Variants in CACNA1S observed in about 807,000 individuals in gnomAD.
CACNA1S encodes voltage-dependent L-type calcium channel subunit alpha-1S.
In CACNA1S, 126 loss-of-function variants were observed where a neutral mutation model predicts 207.4. The ratio of observed to expected loss-of-function variants is 0.61; its 90% CI spans 0.53 to 0.70. CACNA1S has a LOEUF of 0.70. Among genes scored for constraint, CACNA1S ranks in the 30% least tolerant of loss-of-function variants. The probability of loss-of-function intolerance (pLI) is 0.00; values close to 1 mark genes in which losing one functional copy is unlikely to be tolerated. For synonymous variants in CACNA1S, 960 were observed against 932.7 expected (o/e 1.03, Z -0.53); for missense variants, 2,349 against 2,422.8 (o/e 0.97, Z 0.64).
intron 34 of CACNA1S, 112 bp downstream of exon 34, chr1:201,050,276 AG>A: frequency 2.7e-6 from 3 of 1,126,714 alleles, no homozygotes. Flanking sequence ...AGATAAATGA[AG>A]GGGGAAGGAG....
chr1:201,062,427 C>G, intron 23 of CACNA1S, 35 bp downstream of exon 23: 2 of 1,606,098 alleles, frequency 1.2e-6, no homozygotes, highest in Non-Finnish European at 1.7e-6. Flanking sequence ...CTCCCTGCCC[C>G]GTGACCGTCC....
intron 43 of CACNA1S, 55 bp downstream of exon 43, chr1:201,040,176 C>T (rs769060241): frequency 3.3e-5 from 53 of 1,612,046 alleles, no homozygotes; most frequent in Non-Finnish European, 2.5e-5. Context: ...CACGCCAGGC[C>T]ATCACAGGGC....
intron 7 of CACNA1S, among the ~76,000 whole-genome samples, chr1:201,087,518 A>G (rs963337283): frequency 6.6e-6 from 1 of 152,084 alleles, no homozygotes; most frequent in African/African-American, 2.4e-5. Flanking sequence ...ATGGGGGAAG[A>G]CTTGAGGAGG....
At chr1:201,078,758 C>G (rs147657849) in intron 10 of CACNA1S, among the ~76,000 whole-genome samples, 2 of 152,100 alleles carry the variant, frequency 1.3e-5, no homozygotes, top group African/African-American at 4.8e-5. Flanking sequence ...AGCTCCCTGT[C>G]CGTGATTCTT....
intron 2 of CACNA1S, among the ~76,000 whole-genome samples, chr1:201,100,986 A>G (rs1016360056): frequency 6.6e-6 from 1 of 152,188 alleles, no homozygotes; most frequent in Non-Finnish European, 1.5e-5. Context: ...TAGCCTAGAA[A>G]GCGGATACTC....
Position 201,053,634 on chromosome 1 carries a change from A to C in CACNA1S, c.3667-47T>G. ...GGTCAGTCTGGGGGCAGAACCTCAG[A>C]GGGGTAAGGGGCAGGGCGGGGAGGG... On this transcript the variant is annotated intron_variant, in intron 29 of 43. Coordinates refer to ENST00000362061, the MANE Select transcript of CACNA1S (RefSeq NM_000069.3). The surrounding 1 kb of genome is among the most constrained non-coding windows in gnomAD (Gnocchi z 5.1). 5.2e-6 allele frequency: 5 copies of C among 958,068 alleles called. No homozygotes were observed. The highest frequency in any genetic ancestry group is 6.2e-6 in the Non-Finnish European group (4 of 645,992). The allele number at this position is 958,068 out of a possible 1,614,324, so 59.3% of individuals were successfully genotyped here.
At chr1:201,042,171 C>A (rs368673271) in intron 40 of CACNA1S, among the ~76,000 whole-genome samples, 1 of 152,122 alleles carries the variant, frequency 6.6e-6, no homozygotes, top group African/African-American at 2.4e-5. Context: ...GAGTCTTGTT[C>A]TCTCACCCAG....
chr1:201,040,268 C>A lies in CACNA1S; in HGVS notation c.5333G>T (p.Arg1778Met). Residue 1778 changes from arginine to methionine, a missense_variant, in exon 43 of 44, where the codon AGG becomes ATG. Coordinates refer to ENST00000362061, the MANE Select transcript of CACNA1S (RefSeq NM_000069.3). ...HSRSTRENTS[R>M]CSAPATALLI... ...CAGGGCTGTAGCTGGTGCTGAGCAC[C>A]TGGAAGTATTCTCCCTGGTGCTCCT... The A allele has an allele frequency of 6.2e-7, 1 of 1,613,880 alleles. No homozygotes were observed. The highest frequency in any genetic ancestry group is 8.5e-7 in the Non-Finnish European group (1 of 1,179,992).
At chr1:201,063,017 G>A (rs80340198) in intron 22 of CACNA1S, among the ~76,000 whole-genome samples, 1 of 152,182 alleles carries the variant, frequency 6.6e-6, no homozygotes, top group African/African-American at 2.4e-5. Flanking sequence ...AGCCCAGCTG[G>A]GCTCTGATGA....
At chr1:201,111,483 C>T (rs754672817) in intron 1 of CACNA1S, among the ~76,000 whole-genome samples, 6 of 152,094 alleles carry the variant, frequency 3.9e-5, no homozygotes, top group Admixed American at 6.5e-5. Context: ...TTTCAAAGTC[C>T]CTGTCCCCAG....
At position 201,039,742 on chromosome 1, in the gene CACNA1S, T is replaced by A; in HGVS notation, c.*89A>T. 6.4e-7 allele frequency: 1 copy of A among 1,558,370 alleles called. No homozygotes were observed. The highest frequency in any genetic ancestry group is 8.7e-7 in the Non-Finnish European group (1 of 1,144,010). ...AGCTGCTGAGAGGGAGGGAGGCTGC[T>A]GCGGTGGGCTAGCCCTTCTCCACCC... On this transcript the variant is annotated 3_prime_UTR_variant, in exon 44 of 44. Coordinates refer to ENST00000362061, the MANE Select transcript of CACNA1S (RefSeq NM_000069.3).
chr1:201,056,822 A>G (rs970858021), intron 28 of CACNA1S, among the ~76,000 whole-genome samples: 2 of 152,148 alleles, frequency 1.3e-5, no homozygotes, highest in African/African-American at 4.8e-5. Context: ...TTCATAAGGC[A>G]GGTCCTGCTG....
intron 7 of CACNA1S, among the ~76,000 whole-genome samples, chr1:201,086,086 C>T (rs1319899932): frequency 6.6e-6 from 1 of 152,202 alleles, no homozygotes; most frequent in Non-Finnish European, 1.5e-5. Context: ...GATCTTCAGG[C>T]CAGCAGAGGG....
chr1:201,083,311 C>T lies in CACNA1S; in HGVS notation c.1244G>A (p.Arg415Lys). ...CCAGCGAAAGATGCGGTTCCACTGC[C>T]TCCAATGTCGGCTGAGGGAGGGGAC... ...NKIIQFIRHWRQWNRIFRWKC... is the reference protein window; with the variant it reads ...NKIIQFIRHWKQWNRIFRWKC... Residue 415 changes from arginine (R) to lysine (K), a missense_variant, in exon 10 of 44, where the codon AGG becomes AAG. Physicochemically the swap from Arg to Lys is conservative, Grantham distance 26 (BLOSUM62 2). Coordinates refer to ENST00000362061, the MANE Select transcript of CACNA1S (RefSeq NM_000069.3). 6.2e-7 allele frequency: 1 copy of T among 1,614,216 alleles called. No individual in the cohort carries two copies. The highest frequency in any genetic ancestry group is 8.5e-7 in the Non-Finnish European group (1 of 1,180,030).
chr1:201,061,574 G>T, intron 24 of CACNA1S, 106 bp from the exon 25 acceptor site: 1 of 1,095,296 alleles, frequency 9.1e-7, no homozygotes, highest in Non-Finnish European at 1.3e-6. Context: ...AGCCAAGAGA[G>T]CCTTCTCAAC....
At chr1:201,077,384 G>A (rs769369889) in intron 11 of CACNA1S, among the ~76,000 whole-genome samples, 7 of 152,164 alleles carry the variant, frequency 4.6e-5, no homozygotes, top group African/African-American at 7.2e-5. Flanking sequence ...GAGAAACCCC[G>A]TGAGAATAAG....
chr1:201,049,432 T>C (rs888606682), intron 34 of CACNA1S, among the ~76,000 whole-genome samples: 2 of 152,188 alleles, frequency 1.3e-5, no homozygotes, highest in Admixed American at 1.3e-4. Context: ...GCCCTTGGGC[T>C]ATATTAATAG....
rs779684649 is a variant in CACNA1S, at chr1:201,110,198, G to A, written c.224C>T (p.Pro75Leu). The change falls in exon 2 of 44, where the codon CCG becomes CTG. Residue 75 changes from proline (P) to leucine (L), a missense_variant. Pro to Leu is a moderately conservative substitution (Grantham distance 98). Transcript: ENST00000362061. The part of the protein sequence containing the change: ...CVALAVYLPM[P>L]EDDNNSLNLG... ...GTTCAGAGAGTTGTTGTCATCTTCCGGCATGGGCAGGTACACGGCCAGGGC... is the reference window on the plus strand; with the variant it reads ...GTTCAGAGAGTTGTTGTCATCTTCCAGCATGGGCAGGTACACGGCCAGGGC... 1.7e-5 allele frequency: 27 copies of A among 1,614,070 alleles called. No homozygotes were observed. The highest frequency in any genetic ancestry group is 2.7e-5 in the African/African-American group (2 of 74,940).
intron 28 of CACNA1S, among the ~76,000 whole-genome samples, chr1:201,055,450 A>C (rs934035094): frequency 6.6e-6 from 1 of 152,230 alleles, no homozygotes; most frequent in African/African-American, 2.4e-5. Context: ...TCAGAAGTTT[A>C]AATGCACCCC....
Sources: gnomAD v4.1 joint callset for allele counts (sites outside exome capture counted in the v4.1 genomes callset) on GRCh38, gnomAD v4.1.1 for gene constraint, Gnocchi (gnomAD v3.1) non-coding constraint, MANE v1.5 for transcripts, NCBI Gene and HGNC (gene_info 2026-07-23, HGNC 2026-07-21) for gene names.